The following COL10A1 variants were observed in gnomAD, a reference collection of about 807,000 sequenced individuals.
COL10A1 encodes the protein collagen alpha-1(X) chain.
COL10A1 carries 10 observed loss-of-function variants against 18.2 expected under a neutral mutation model. The observed-to-expected ratio is 0.55, with a 90% CI of 0.34 to 0.93. The LOEUF is 0.93. COL10A1 is among the 40% of genes least tolerant of loss of function. The pLI is 0.02. For synonymous variants in COL10A1, 330 were observed against 316.6 expected (o/e 1.04, Z -0.45); for missense variants, 897 against 853.5 (o/e 1.05, Z -0.64).
At chr6:116,124,224 A>T (rs1258178633) in intron 2 of COL10A1, among the ~76,000 whole-genome samples, 2 of 152,138 alleles carry the variant, frequency 1.3e-5, no homozygotes, top group Non-Finnish European at 2.9e-5. Context: ...GGTTGTTCCC[A>T]AAAGCATAAT....
Position 116,145,064 on chromosome 6 carries a change from T to C in COL10A1, c.-16+13550A>G, listed in dbSNP as rs73772279. On this transcript the variant is annotated intron_variant, in intron 1 of 1. Transcript: ENST00000418500. The stretch of plus-strand genomic sequence containing the variant: ...TTGATACATGAGAAATGGAATGCCT[T>C]TTAAATCTAATATATCAGCAAAGTT... Among the ~76,000 whole-genome samples, 743 of 152,310 alleles carry C rather than the reference T, an allele frequency of 4.9e-3. 12 individuals carry two copies. The highest frequency in any genetic ancestry group is 0.043 in the South Asian group (209 of 4,830).
At chr6:116,208,599 G>A in the COL10A1 span, among the ~76,000 whole-genome samples, 1 of 151,984 alleles carries the variant, frequency 6.6e-6, no homozygotes, top group Non-Finnish European at 1.5e-5. Context: ...TTCTGATCAT[G>A]TCATCATGTC....
upstream of COL10A1, among the ~76,000 whole-genome samples, chr6:116,159,445 G>GT (rs1780279883): frequency 6.6e-6 from 1 of 152,098 alleles, no homozygotes; most frequent in Non-Finnish European, 1.5e-5. Flanking sequence ...TTGCCTCTGA[G>GT]TTAAAGTATA....
chr6:116,137,625 CA>C (rs1779644137), intron 1 of COL10A1: 2 of 210,294 alleles, frequency 9.5e-6, no homozygotes, highest in Admixed American at 4.2e-5. Flanking sequence ...TAGTGGGAAA[CA>C]AAAGTCCCAC....
chr6:116,145,221 A>C (rs1414593455), intron 1 of COL10A1, among the ~76,000 whole-genome samples: 1 of 152,178 alleles, frequency 6.6e-6, no homozygotes, highest in Non-Finnish European at 1.5e-5. Context: ...GATAACAGCT[A>C]ACTATTAAAT....
At chr6:116,158,043 G>T (rs578014134) in intron 1 of COL10A1, among the ~76,000 whole-genome samples, 1 of 152,226 alleles carries the variant, frequency 6.6e-6, no homozygotes, top group South Asian at 2.1e-4. Flanking sequence ...AAAAGAAAAA[G>T]CATCACATAT....
intron 1 of COL10A1, among the ~76,000 whole-genome samples, chr6:116,144,183 A>G (rs1445744509): frequency 6.6e-6 from 1 of 152,152 alleles, no homozygotes; most frequent in Non-Finnish European, 1.5e-5. Flanking sequence ...CAGTATGAAA[A>G]CAAACATATT....
the COL10A1 span, among the ~76,000 whole-genome samples, chr6:116,204,849 T>A: frequency 2.6e-5 from 4 of 152,014 alleles, no homozygotes; most frequent in East Asian, 7.8e-4. Context: ...TGCTCAGTAA[T>A]TATTTGTTAT....
the COL10A1 span, among the ~76,000 whole-genome samples, chr6:116,213,082 C>T: frequency 2.0e-5 from 3 of 152,144 alleles, no homozygotes; most frequent in Admixed American, 1.3e-4. Flanking sequence ...TATTCCAAAG[C>T]ATCTTGTTTA....
the COL10A1 span, among the ~76,000 whole-genome samples, chr6:116,208,108 C>A: frequency 6.6e-6 from 1 of 152,026 alleles, no homozygotes; most frequent in East Asian, 1.9e-4. Context: ...TAGTTAATGA[C>A]CCCTAATATC....
upstream of COL10A1, among the ~76,000 whole-genome samples, chr6:116,129,608 C>T (rs940818352): frequency 7.2e-5 from 11 of 152,186 alleles, no homozygotes; most frequent in African/African-American, 2.2e-4. Flanking sequence ...AGCATGAACG[C>T]TCTCTCCAGA....
chr6:116,140,428 A>G (rs533212044), intron 1 of COL10A1, among the ~76,000 whole-genome samples: 7 of 152,176 alleles, frequency 4.6e-5, no homozygotes, highest in African/African-American at 1.4e-4. Flanking sequence ...ATTTTTTTCA[A>G]TATTTAAAAT....
chr6:116,127,609 A>G (rs996081875), upstream of COL10A1, among the ~76,000 whole-genome samples: 13 of 152,176 alleles, frequency 8.5e-5, no homozygotes, highest in Non-Finnish European at 1.8e-4. Context: ...CTTTTGGCTT[A>G]TGGCCCATTT....
chr6:116,129,064 A>T (rs1252783313), upstream of COL10A1, among the ~76,000 whole-genome samples: 1 of 152,146 alleles, frequency 6.6e-6, no homozygotes, highest in Non-Finnish European at 1.5e-5. Flanking sequence ...AGTAAATCCC[A>T]TATATTGTAC....
At chr6:116,209,194 G>T in the COL10A1 span, among the ~76,000 whole-genome samples, 1 of 151,850 alleles carries the variant, frequency 6.6e-6, no homozygotes, top group Non-Finnish European at 1.5e-5. Flanking sequence ...TTCTTAAAGG[G>T]CCAGATAGTA....
upstream of COL10A1, among the ~76,000 whole-genome samples, chr6:116,129,099 A>G (rs1349054122): frequency 1.3e-5 from 2 of 152,176 alleles, no homozygotes; most frequent in Non-Finnish European, 2.9e-5. Context: ...ATATTTTGGT[A>G]TATTTTTCCA....
chr6:116,151,734 T>A (rs1046067957), intron 1 of COL10A1, among the ~76,000 whole-genome samples: 1 of 152,230 alleles, frequency 6.6e-6, no homozygotes, highest in East Asian at 1.9e-4. Flanking sequence ...ATGTTCATTT[T>A]AGCTTTTCTA....
chr6:116,191,973 T>C, the COL10A1 span, among the ~76,000 whole-genome samples: 2 of 152,136 alleles, frequency 1.3e-5, no homozygotes, highest in East Asian at 3.9e-4. Flanking sequence ...AAAGATGAGG[T>C]AGAAATTACG....
At chr6:116,208,636 A>G in the COL10A1 span, among the ~76,000 whole-genome samples, 2 of 152,012 alleles carry the variant, frequency 1.3e-5, no homozygotes, top group African/African-American at 4.8e-5. Context: ...GGATCTTTCA[A>G]CTTCCTTTGA....
Sources: gnomAD v4.1 joint callset for allele counts (sites outside exome capture counted in the v4.1 genomes callset) on GRCh38, gnomAD v4.1.1 for gene constraint, MANE v1.5 for transcripts, NCBI Gene and HGNC (gene_info 2026-07-23, HGNC 2026-07-21) for gene names.